CDH2: variants seen among roughly 807,000 people sequenced by gnomAD.
CDH2 encodes cadherin 2.
In CDH2, 17 loss-of-function variants were observed where a neutral mutation model predicts 92.0. That is an observed-to-expected ratio of 0.18 (90% CI 0.13 to 0.28). The LOEUF (loss-of-function observed/expected upper bound fraction) is 0.28, where lower values mean the gene tolerates loss of function less well. Ranked by LOEUF, CDH2 falls within the 10% of genes least tolerant of loss-of-function variation. CDH2 has a pLI of 1.00. For synonymous variants in CDH2, 419 were observed against 415.9 expected, an observed-to-expected ratio of 1.01 and a Z score of -0.09; for missense variants, 862 against 1,133.1, an observed-to-expected ratio of 0.76 and a Z score of 3.44.
At chr18:28,100,910 T>C (rs970893948) in intron 2 of CDH2, among the ~76,000 whole-genome samples, 1 of 152,164 alleles carries the variant, frequency 6.6e-6, no homozygotes, top group African/African-American at 2.4e-5. Flanking sequence ...CATCTTCCTA[T>C]CCCACTGAAT....
intron 2 of CDH2, among the ~76,000 whole-genome samples, chr18:28,121,180 T>G (rs1030564036): frequency 5.9e-5 from 9 of 152,016 alleles, no homozygotes; most frequent in African/African-American, 2.2e-4. Context: ...GGGTTTAGGG[T>G]CAATAGAAAA....
At chr18:27,990,028 T>C in intron 10 of CDH2, 69 bp downstream of exon 10, 1 of 1,318,202 alleles carries the variant, frequency 7.6e-7, no homozygotes, top group East Asian at 2.3e-5. Flanking sequence ...AAATAGTGAA[T>C]TAGATAAATT....
At chr18:27,965,903 G>A (rs1034122094) in intron 14 of CDH2, among the ~76,000 whole-genome samples, 15 of 147,248 alleles carry the variant, frequency 1.0e-4, no homozygotes, top group Non-Finnish European at 2.2e-4. Context: ...CAGGAGAATC[G>A]CTTGAACTCG....
intron 1 of CDH2, among the ~76,000 whole-genome samples, chr18:28,175,429 G>A (rs1369313236): frequency 6.6e-6 from 1 of 152,212 alleles, no homozygotes; most frequent in East Asian, 1.9e-4. Flanking sequence ...GCAGGGGTGG[G>A]GAGAGACAAA....
chr18:27,963,872 A>AT (rs1440162230), intron 14 of CDH2, among the ~76,000 whole-genome samples: 1 of 152,042 alleles, frequency 6.6e-6, no homozygotes, highest in Non-Finnish European at 1.5e-5. Flanking sequence ...TGTCTTTAAT[A>AT]TTTTTTTAAA....
intron 2 of CDH2, among the ~76,000 whole-genome samples, chr18:28,105,290 T>G (rs1299342624): frequency 6.6e-6 from 1 of 152,184 alleles, no homozygotes; most frequent in Non-Finnish European, 1.5e-5. Flanking sequence ...AAGCAAATGT[T>G]GTGACAAGGT....
intron 13 of CDH2, among the ~76,000 whole-genome samples, chr18:27,983,572 A>T (rs1174367687): frequency 6.6e-6 from 1 of 152,194 alleles, no homozygotes; most frequent in Admixed American, 6.5e-5. Flanking sequence ...CCTGGGTAGT[A>T]AATTGGAACT....
At chr18:28,162,414 GAGAA>G (rs1329251872) in intron 1 of CDH2, among the ~76,000 whole-genome samples, 1 of 152,090 alleles carries the variant, frequency 6.6e-6, no homozygotes, top group African/African-American at 2.4e-5. Flanking sequence ...GTGAGGTCAG[GAGAA>G]AGAGAGTGAT....
intron 2 of CDH2, among the ~76,000 whole-genome samples, chr18:28,048,011 T>C (rs1297119149): frequency 6.6e-6 from 1 of 152,032 alleles, no homozygotes; most frequent in Non-Finnish European, 1.5e-5. Context: ...ATTACAGTTT[T>C]GCTTTATCTA....
chr18:27,978,571 A>G (rs1317977728), intron 14 of CDH2, among the ~76,000 whole-genome samples: 1 of 150,504 alleles, frequency 6.6e-6, no homozygotes, highest in Non-Finnish European at 1.5e-5. Flanking sequence ...TTAATATGAT[A>G]GGTAAAACAA....
At chr18:28,137,736 T>C (rs991789615) in intron 2 of CDH2, among the ~76,000 whole-genome samples, 3 of 152,136 alleles carry the variant, frequency 2.0e-5, no homozygotes, top group East Asian at 1.9e-4. Context: ...ACTATAGATG[T>C]TCTTTAATAA....
At chr18:27,949,825 AATATTT>A (rs1158826840), downstream of CDH2, among the ~76,000 whole-genome samples, 2 of 151,804 alleles carry the variant, frequency 1.3e-5, no homozygotes, top group Non-Finnish European at 1.5e-5. Flanking sequence ...TACAAAAATT[AATATTT>A]ATATTTATTG....
downstream of CDH2, among the ~76,000 whole-genome samples, chr18:27,949,849 A>C (rs934736066): frequency 6.6e-6 from 1 of 151,928 alleles, no homozygotes; most frequent in African/African-American, 2.4e-5. Flanking sequence ...TTGTGTATAT[A>C]TATAAAACCT....
chr18:28,096,378 C>T (rs1445692888), intron 2 of CDH2, among the ~76,000 whole-genome samples: 2 of 149,976 alleles, frequency 1.3e-5, no homozygotes, highest in Admixed American at 1.3e-4. Context: ...CCTTGAGATG[C>T]CATTTTATGG....
At chr18:28,175,937 C>G (rs983720147) in intron 1 of CDH2, among the ~76,000 whole-genome samples, 3 of 152,136 alleles carry the variant, frequency 2.0e-5, no homozygotes, top group African/African-American at 7.2e-5. Flanking sequence ...GGGTCCCGGC[C>G]GAGGCTGTGT....
intron 1 of CDH2, among the ~76,000 whole-genome samples, chr18:28,159,948 C>T (rs1396879372): frequency 2.0e-5 from 3 of 152,122 alleles, no homozygotes; most frequent in South Asian, 2.1e-4. Flanking sequence ...TGAGCCACCA[C>T]GCCTGGCCCC....
intron 1 of CDH2, among the ~76,000 whole-genome samples, chr18:28,176,563 G>A (rs2016545575): frequency 6.6e-6 from 1 of 152,086 alleles, no homozygotes; most frequent in African/African-American, 2.4e-5. Flanking sequence ...CATCCCTGCA[G>A]AAATAAACAA....
At chr18:27,957,492 T>C (rs2011281821) in intron 15 of CDH2, among the ~76,000 whole-genome samples, 1 of 152,036 alleles carries the variant, frequency 6.6e-6, no homozygotes, top group Non-Finnish European at 1.5e-5. Flanking sequence ...GCTCAAGCGA[T>C]CTGCCTGCCT....
At chr18:28,167,076 T>C (rs2016396350) in intron 1 of CDH2, among the ~76,000 whole-genome samples, 2 of 152,124 alleles carry the variant, frequency 1.3e-5, no homozygotes, top group Admixed American at 6.6e-5. Flanking sequence ...ACTGGGTCAC[T>C]AGTAAGCTCA....
Sources: gnomAD v4.1 joint callset for allele counts (sites outside exome capture counted in the v4.1 genomes callset) on GRCh38, gnomAD v4.1.1 for gene constraint, MANE v1.5 for transcripts, NCBI Gene and HGNC (gene_info 2026-07-23, HGNC 2026-07-21) for gene names.